The following COA6 variants were observed in gnomAD, a reference collection of about 807,000 sequenced individuals.
COA6 encodes cytochrome c oxidase assembly factor 6, also known as cytochrome c oxidase assembly factor 6 homolog.
A neutral mutation model predicts 17.1 loss-of-function variants in COA6; 12 were observed. The ratio of observed to expected loss-of-function variants is 0.70; its 90% confidence interval spans 0.45 to 1.14. The LOEUF (loss-of-function observed/expected upper bound fraction) is 1.14. Ranked by LOEUF, COA6 falls within the 50% of genes most tolerant of loss-of-function variation. The pLI is 0.00. For missense variants in COA6, 246 were observed against 196.5 expected (o/e 1.25, Z -1.51); for synonymous variants, 90 against 73.4 (o/e 1.23, Z -1.16).
At chr1:234,383,150 C>T (rs1449352785) in intron 2 of COA6, among the ~76,000 whole-genome samples, 1 of 151,874 alleles carries the variant, frequency 6.6e-6, no homozygotes, top group Non-Finnish European at 1.5e-5. Flanking sequence ...TACCTGAGAG[C>T]TCTGTGGACT....
rs1294316697 is a variant in COA6, at chr1:234,373,814, CCA to C, written c.212+142_212+143del. The C allele has an allele frequency of 5.6e-6, 9 of 1,613,648 alleles. No individual in the cohort carries two copies. The Admixed American group carries it at 1.2e-4, about 21-fold the overall frequency. On this transcript the variant is annotated intron_variant, in intron 1 of 2. Transcript: ENST00000366615. ...ATCGCCTGCTTGGTGATTGTGGCCC[CCA>C]CACACCTGTTTCTACAGCGCTTAGG...
chr1:234,376,443 C>T (rs964378635), intron 2 of COA6, among the ~76,000 whole-genome samples: 2 of 151,552 alleles, frequency 1.3e-5, no homozygotes, highest in African/African-American at 4.9e-5. Flanking sequence ...ATCCTCTACA[C>T]TCTACACTCT....
At chr1:234,377,383 C>T (rs1658836291) in intron 2 of COA6, among the ~76,000 whole-genome samples, 1 of 152,048 alleles carries the variant, frequency 6.6e-6, no homozygotes. Flanking sequence ...CCTCAGCCTC[C>T]CAAAGTGCTG....
chr1:234,376,794 G>A (rs1251222656), intron 2 of COA6, among the ~76,000 whole-genome samples: 3 of 152,162 alleles, frequency 2.0e-5, no homozygotes, highest in Non-Finnish European at 4.4e-5. Flanking sequence ...ATGCCTTGCT[G>A]TGAGTCTTAA....
In COA6 at chr1:234,374,368, A is replaced by G. The variant is rs969269772; in HGVS notation, c.351A>G (p.Glu117=). The stretch of plus-strand genomic sequence containing the variant: ...GCAAGAAGTTAAGAAGCTCTTTCGA[A>G]TCAAGTTGTCCCCAACAGTGGGTAA... ...SQCKKLRSSF[E]SSCPQQWIKY... The change falls in exon 2 of 3, where the codon GAA becomes GAG. Residue 117 remains glutamate, a synonymous_variant. Coordinates refer to ENST00000366615, the MANE Select transcript of COA6 (RefSeq NM_001206641.3). 3 of 1,613,932 alleles carry G rather than the reference A, an allele frequency of 1.9e-6. No individual in the cohort carries two copies. The African/African-American group carries it at 4.0e-5, about 22-fold the overall frequency.
chr1:234,376,455 C>T (rs920486486), intron 2 of COA6, among the ~76,000 whole-genome samples: 1 of 152,218 alleles, frequency 6.6e-6, no homozygotes, highest in African/African-American at 2.4e-5. Flanking sequence ...CTACACTCTA[C>T]ACACTTGAAA....
intron 2 of COA6, among the ~76,000 whole-genome samples, chr1:234,382,390 C>G (rs1246741408): frequency 6.6e-6 from 1 of 152,160 alleles, no homozygotes; most frequent in Non-Finnish European, 1.5e-5. Flanking sequence ...CTTCAAACAG[C>G]AAATTTCTGG....
At chr1:234,377,980 G>T (rs78288343) in intron 2 of COA6, among the ~76,000 whole-genome samples, 322 of 152,344 alleles carry the variant, frequency 2.1e-3, no homozygotes, top group African/African-American at 7.6e-3. Context: ...GCTGCCAGGG[G>T]GTGAAGGAGA....
Position 234,382,807 on chromosome 1 carries a change from C to G in COA6, c.373-916C>G, listed in dbSNP as rs545764488. ...ATCACTTGAGGTCAGGAGTTCGAGACCAGCCTGGCCAAGATGGCAAAACCC... is the reference window on the plus strand; with the variant it reads ...ATCACTTGAGGTCAGGAGTTCGAGAGCAGCCTGGCCAAGATGGCAAAACCC... On this transcript the variant is annotated intron_variant, in intron 2 of 2. Transcript: ENST00000366615. Among the ~76,000 whole-genome samples, 284 of 152,214 alleles carry G rather than the reference C, an allele frequency of 1.9e-3. 3 individuals carry two copies. Among genetic ancestry groups the G allele is most frequent in the African/African-American group, 6.5e-3 (268 of 41,520 alleles).
intron 2 of COA6, among the ~76,000 whole-genome samples, chr1:234,379,730 A>G (rs972504637): frequency 2.0e-5 from 3 of 152,184 alleles, no homozygotes; most frequent in Non-Finnish European, 4.4e-5. Flanking sequence ...GAAGCAAGGC[A>G]CCTTCTTCAC....
At chr1:234,374,186 T>G in intron 1 of COA6, 44 bp from the exon 2 acceptor site, 1 of 1,564,074 alleles carries the variant, frequency 6.4e-7, no homozygotes, top group Middle Eastern at 2.3e-4. Flanking sequence ...TCTCTTCAGA[T>G]TACAAAGTTC....
At position 234,384,693 on chromosome 1, in the gene COA6, C is replaced by G. The variant is rs1171279137; in HGVS notation, c.*875C>G. ...ACATCAGATTAAATGGAGAGGTATA[C>G]AGTTGGCCCTCTGTGGGTTCTGCAT... is the stretch of plus-strand genomic sequence containing the variant. On this transcript the variant is annotated 3_prime_UTR_variant, in exon 3 of 3. Transcript: ENST00000366615. Among the ~76,000 whole-genome samples, 1 of 152,172 alleles carries G rather than the reference C, an allele frequency of 6.6e-6. No homozygotes were observed. The highest frequency in any genetic ancestry group is 2.4e-5 in the African/African-American group (1 of 41,432).
chr1:234,378,814 A>C (rs1340360397), intron 2 of COA6, among the ~76,000 whole-genome samples: 1 of 152,196 alleles, frequency 6.6e-6, no homozygotes, highest in African/African-American at 2.4e-5. Context: ...TGGAGTTTCC[A>C]GTAAGCTGAG....
intron 2 of COA6, among the ~76,000 whole-genome samples, chr1:234,378,900 CAAA>C (rs572194220): frequency 6.8e-5 from 10 of 146,326 alleles, no homozygotes. Context: ...ACAAAACAAA[CAAA>C]AAAAGCAACA....
In COA6 at chr1:234,373,868, C is replaced by T. The variant is rs1558123505; in HGVS notation, c.212+190C>T. ...TCGAACAGTAACCCTGTAAACTAGG[C>T]ACTGCTGTCCCCGCTTTACTGGTGG... On this transcript the variant is annotated intron_variant, in intron 1 of 2. Transcript: ENST00000366615. 3 of 1,604,668 alleles carry T rather than the reference C, an allele frequency of 1.9e-6. No homozygotes were observed. In the African/African-American group the frequency reaches 4.0e-5, roughly 21 times the overall value.
In COA6 at chr1:234,384,974, C is replaced by CTGT. The variant is rs1659085164; in HGVS notation, c.*1160_*1162dup. Reference sequence around the variant, plus strand: ...AGTACACATAGAAGTTATGTTTATACTGTTGTCTAGTAAGTGTGCAATAGC... The same window carrying CTGT: ...AGTACACATAGAAGTTATGTTTATACTGTTGTTGTCTAGTAAGTGTGCAATAGC... On this transcript the variant is annotated 3_prime_UTR_variant, in exon 3 of 3. Transcript: ENST00000366615. Among the ~76,000 whole-genome samples, 1 of 152,152 alleles carries CTGT rather than the reference C, an allele frequency of 6.6e-6. No individual in the cohort carries two copies. The highest frequency in any genetic ancestry group is 6.5e-5 in the Admixed American group (1 of 15,276).
chr1:234,383,786 T>C lies in COA6; in HGVS notation c.436T>C (p.Phe146Leu). The change falls in exon 3 of 3, where the codon TTT becomes CTT. Residue 146 changes from phenylalanine to leucine, a missense_variant. Physicochemically the swap from Phe to Leu is conservative, Grantham distance 22 (BLOSUM62 0). Transcript: ENST00000366615. ...KFKEKFEAGQ[F>L]EPSETTAKS is the part of the protein sequence containing the mutation. ...CAAAGAAAAATTTGAAGCAGGACAA[T>C]TTGAGCCTTCAGAAACAACTGCAAA... 2 of 1,579,536 alleles carry C rather than the reference T, an allele frequency of 1.3e-6. No homozygotes were observed. Among genetic ancestry groups the C allele is most frequent in the South Asian group, 1.1e-5 (1 of 88,794 alleles).
Position 234,373,701 on chromosome 1 carries a change from G to T in COA6, c.212+23G>T, listed in dbSNP as rs753781785. 1.9e-5 allele frequency: 31 copies of T among 1,613,504 alleles called. 1 individual carries two copies. Among genetic ancestry groups the T allele is most frequent in the Admixed American group, 1.0e-4 (6 of 60,006 alleles). On this transcript the variant is annotated intron_variant, in intron 1 of 2. Coordinates refer to ENST00000366615, the MANE Select transcript of COA6 (RefSeq NM_001206641.3). ...GAGGTCGGCTTGCTGATGGGTCCGG[G>T]TGGGGCGCGCGTGGACTATGGGCCC...
intron 2 of COA6, among the ~76,000 whole-genome samples, chr1:234,383,092 G>C (rs1402242151): frequency 1.3e-5 from 2 of 148,938 alleles, no homozygotes; most frequent in Admixed American, 1.3e-4. Context: ...GAAGGGAAGG[G>C]AAGTAAGAAA....
Sources: gnomAD v4.1 joint callset for allele counts (sites outside exome capture counted in the v4.1 genomes callset) on GRCh38, gnomAD v4.1.1 for gene constraint, MANE v1.5 for transcripts, NCBI Gene and HGNC (gene_info 2026-07-23, HGNC 2026-07-21) for gene names.